The following MYH7B variants were observed in gnomAD, a reference collection of about 807,000 sequenced individuals.
The protein encoded by MYH7B is myosin-7B.
A neutral mutation model predicts 234.5 loss-of-function variants in MYH7B; 205 were observed. That is an observed-to-expected ratio of 0.87 (90% CI 0.78 to 0.98). The LOEUF (loss-of-function observed/expected upper bound fraction) is 0.98. MYH7B is among the 50% of genes least tolerant of loss of function. The pLI is 0.00. For synonymous variants in MYH7B, 1,193 were observed against 1,105.0 expected (o/e 1.08, Z -1.58); for missense variants, 2,652 against 2,633.4 (o/e 1.01, Z -0.15).
chr20:34,973,737 C>T (rs1299244594), intron 2 of MYH7B, among the ~76,000 whole-genome samples: 2 of 152,282 alleles, frequency 1.3e-5, no homozygotes, highest in Admixed American at 6.5e-5. Flanking sequence ...CCCTCTGCTC[C>T]AGGACAGCTC....
intron 24 of MYH7B, among the ~76,000 whole-genome samples, chr20:34,992,816 C>T (rs1225583928): frequency 5.9e-5 from 9 of 152,170 alleles, no homozygotes; most frequent in South Asian, 2.1e-4. Context: ...GCAATCCACC[C>T]GCCTTGGCTT....
chr20:34,975,724 A>AT (rs948480169), intron 3 of MYH7B, among the ~76,000 whole-genome samples: 38 of 150,914 alleles, frequency 2.5e-4, no homozygotes, highest in Non-Finnish European at 2.8e-4. Flanking sequence ...TGGCACTGTA[A>AT]TTTTTTTTTG....
Position 35,000,463 on chromosome 20 carries a change from G to T in MYH7B, c.4952G>T (p.Arg1651Leu), listed in dbSNP as rs772339735. ...GCCACAGAGGCCCAGGCTGCCACGC[G>T]GCTGATGCAGGCACAGCTCAAGGAG... Residue 1651 changes from arginine to leucine, a missense_variant, in exon 39 of 45, where the codon CGG becomes CTG. Around this residue, in one of 3 missense-constraint regions of MYH7B, gnomAD observed 2,279 missense variants for 2,211.4 expected, o/e 1.03. Transcript: ENST00000262873. The T allele has an allele frequency of 8.2e-5, 131 of 1,601,780 alleles. No individual in the cohort carries two copies. Among genetic ancestry groups the T allele is most frequent in the Non-Finnish European group, 1.1e-4 (128 of 1,179,768 alleles).
At chr20:34,995,464 G>A (rs1360590865) in exon 28 of MYH7B, 1 of 1,613,894 alleles carries the variant, frequency 6.2e-7, no homozygotes, top group Non-Finnish European at 8.5e-7. Context: ...ACGCTGACCT[G>A]GCCGCCCGCC....
chr20:34,995,336 G>A, exon 28 of MYH7B: 1 of 1,612,094 alleles, frequency 6.2e-7, no homozygotes, highest in Non-Finnish European at 8.5e-7. Flanking sequence ...TGCCCTCCAG[G>A]AGCAGGACAA....
chr20:34,996,459 C>G (rs757871318), exon 29 of MYH7B: 2 of 1,613,054 alleles, frequency 1.2e-6, no homozygotes, highest in Non-Finnish European at 1.7e-6. Flanking sequence ...ACCTGCAGGC[C>G]GAGGAGGACC....
intron 10 of MYH7B, among the ~76,000 whole-genome samples, chr20:34,984,463 G>T (rs1317325907): frequency 6.6e-6 from 1 of 152,144 alleles, no homozygotes; most frequent in Non-Finnish European, 1.5e-5. Flanking sequence ...AGAGGAGGCT[G>T]CAGGTGGAGA....
intron 38 of MYH7B, 29 bp from the exon 39 acceptor site, chr20:35,000,263 AC>A (rs774562322): frequency 1.9e-5 from 30 of 1,540,458 alleles, no homozygotes; most frequent in Middle Eastern, 1.7e-4. Context: ...CCCTTACGAG[AC>A]CCCCTTTCAT....
chr20:34,998,282 C>A lies in MYH7B; in HGVS notation c.3748-13C>A. 1 of 1,613,254 alleles carries A rather than the reference C, an allele frequency of 6.2e-7. No homozygotes were observed. The highest frequency in any genetic ancestry group is 8.5e-7 in the Non-Finnish European group (1 of 1,179,634). On this transcript the variant is annotated splice_polypyrimidine_tract_variant and intron_variant, in intron 32 of 44. Transcript: ENST00000262873. ...CTAACTCCTGACCCCTGACTCCCAA[C>A]CTGGGATCCTAGGCCAGTGCAGAGA...
chr20:34,988,375 A>C, intron 19 of MYH7B, 113 bp downstream of exon 19: 1 of 1,222,006 alleles, frequency 8.2e-7, no homozygotes, highest in Non-Finnish European at 1.1e-6. Context: ...GAAGCGTGTG[A>C]CTGTGCGTTG....
chr20:34,973,693 A>C (rs1211860372), intron 2 of MYH7B, among the ~76,000 whole-genome samples: 1 of 152,138 alleles, frequency 6.6e-6, no homozygotes, highest in Admixed American at 6.5e-5. Context: ...CTGCCCATGG[A>C]TCTACTTTTG....
Position 34,997,398 on chromosome 20 carries a change from G to A in MYH7B, c.3505G>A (p.Glu1169Lys), listed in dbSNP as rs556382514. Reference sequence around the variant, plus strand: ...AGGCGGCGCATCCGCGGGGCAGCGCGAGGGCTGCCGCAAGCGGGAGGCGGA... The same window carrying A: ...AGGCGGCGCATCCGCGGGGCAGCGCAAGGGCTGCCGCAAGCGGGAGGCGGA... Residue 1169 changes from glutamate (E) to lysine (K), a missense_variant, in exon 32 of 45, where the codon GAG becomes AAG. Glu to Lys is a moderately conservative substitution (Grantham distance 56, BLOSUM62 1). Coordinates refer to ENST00000262873, the Ensembl canonical transcript of MYH7B. 1.3e-4 allele frequency: 192 copies of A among 1,485,772 alleles called. No homozygotes were observed. Among genetic ancestry groups the A allele is most frequent in the Non-Finnish European group, 1.7e-4 (188 of 1,128,160 alleles). The allele number at this position is 1,485,772 out of a possible 1,614,324, so 92.0% of individuals were successfully genotyped here.
chr20:34,984,941 C>A, exon 12 of MYH7B: 1 of 1,613,552 alleles, frequency 6.2e-7, no homozygotes, highest in Non-Finnish European at 8.5e-7. Flanking sequence ...TAACTCCTCC[C>A]GCTTTGTGAG....
At chr20:34,992,889 G>A (rs553990164) in intron 24 of MYH7B, among the ~76,000 whole-genome samples, 5 of 152,274 alleles carry the variant, frequency 3.3e-5, no homozygotes, top group South Asian at 2.1e-4. Context: ...GGGATTTTAA[G>A]TGGAGTGTCC....
intron 24 of MYH7B, among the ~76,000 whole-genome samples, chr20:34,992,098 C>G (rs910167618): frequency 1.3e-5 from 2 of 152,208 alleles, no homozygotes; most frequent in Non-Finnish European, 2.9e-5. Flanking sequence ...AATTTCCCCC[C>G]AAATGGGCTG....
chr20:34,976,048 T>C (rs532338103), intron 3 of MYH7B, among the ~76,000 whole-genome samples: 2 of 152,338 alleles, frequency 1.3e-5, no homozygotes, highest in Non-Finnish European at 2.9e-5. Context: ...TCATGTAATA[T>C]GCACACAGTA....
chr20:34,974,217 AT>A (rs1395339161), intron 2 of MYH7B, among the ~76,000 whole-genome samples: 1 of 136,376 alleles, frequency 7.3e-6, no homozygotes, highest in African/African-American at 2.8e-5. Context: ...ATGAGCCACC[AT>A]GCCCAGCCTT....
intron 1 of MYH7B, among the ~76,000 whole-genome samples, chr20:34,956,777 G>A (rs1052660204): frequency 2.2e-4 from 34 of 152,216 alleles, no homozygotes; most frequent in Non-Finnish European, 4.4e-4. Context: ...AAGGCTGGCT[G>A]GGTGCAGTGG....
rs934700448 is a variant in MYH7B, at chr20:34,981,142, A to T, written c.527+82A>T. 4 of 1,568,638 alleles carry T rather than the reference A, an allele frequency of 2.5e-6. No individual in the cohort carries two copies. In the African/African-American group the frequency reaches 4.1e-5, roughly 16 times the overall value. On this transcript the variant is annotated intron_variant, in intron 9 of 44. Coordinates refer to ENST00000262873, the Ensembl canonical transcript of MYH7B. ...GGCGGTACCACAGTCATTTCCCAGGATTGAATCCAAAGTGCTTAGGCCAGG... is the reference window on the plus strand; with the variant it reads ...GGCGGTACCACAGTCATTTCCCAGGTTTGAATCCAAAGTGCTTAGGCCAGG...
Sources: gnomAD v4.1 joint callset for allele counts (sites outside exome capture counted in the v4.1 genomes callset) on GRCh38, gnomAD v4.1.1 for gene constraint, gnomAD v4.1.1 regional missense constraint, MANE v1.5 for transcripts, NCBI Gene and HGNC (gene_info 2026-07-23, HGNC 2026-07-21) for gene names.